The following UGT3A2 variants were observed in gnomAD, a reference collection of about 807,000 sequenced individuals.
UGT3A2 encodes UDP-glycosyltransferase 3A2.
In UGT3A2, 32 loss-of-function variants were observed where a neutral mutation model predicts 39.8. The ratio of observed to expected loss-of-function variants is 0.80; its 90% confidence interval spans 0.61 to 1.08. The LOEUF is 1.08. UGT3A2 is among the 50% of genes least tolerant of loss of function. UGT3A2 has a pLI of 0.00. For missense variants in UGT3A2, 611 were observed against 637.1 expected (o/e 0.96, Z 0.44); for synonymous variants, 241 against 230.7 (o/e 1.04, Z -0.40).
intron 2 of UGT3A2, among the ~76,000 whole-genome samples, chr5:36,059,125 T>C (rs985886811): frequency 2.0e-5 from 3 of 152,000 alleles, no homozygotes; most frequent in African/African-American, 7.3e-5. Flanking sequence ...CAGGCACTGA[T>C]AGGGACACAT....
rs190875571 is a variant in UGT3A2 at position 36,059,583 on chromosome 5, G to A, written c.196+4666C>T. Among the ~76,000 whole-genome samples the A allele has an allele frequency of 6.6e-5, 10 of 152,160 alleles. 1 individual carries two copies. The East Asian group carries it at 1.9e-3, about 29-fold the overall frequency. ...TGCTGGCACCTGTGAGATGTGCAGA[G>A]GACTTGGGAGGTTTTCTCAGAGCTT... On this transcript the variant is annotated intron_variant, in intron 2 of 6. Coordinates refer to ENST00000282507, the MANE Select transcript of UGT3A2 (RefSeq NM_174914.4).
intron 4 of UGT3A2, among the ~76,000 whole-genome samples, chr5:36,047,572 T>C (rs1168596243): frequency 1.3e-5 from 2 of 152,298 alleles, no homozygotes; most frequent in Admixed American, 1.3e-4. Flanking sequence ...AGGACTTCTT[T>C]AAAACAGCCT....
At chr5:36,041,061 G>T (rs1176920457) in intron 4 of UGT3A2, among the ~76,000 whole-genome samples, 1 of 152,202 alleles carries the variant, frequency 6.6e-6, no homozygotes, top group Non-Finnish European at 1.5e-5. Flanking sequence ...AAGAGAACCT[G>T]CTGCCCTGAA....
intron 6 of UGT3A2, among the ~76,000 whole-genome samples, chr5:36,036,237 T>C (rs1213425323): frequency 6.6e-6 from 1 of 152,208 alleles, no homozygotes; most frequent in Non-Finnish European, 1.5e-5. Flanking sequence ...TGATGTGCCC[T>C]AGGAAAATTA....
intron 3 of UGT3A2, among the ~76,000 whole-genome samples, chr5:36,051,296 G>T (rs1448804057): frequency 6.6e-6 from 1 of 152,132 alleles, no homozygotes; most frequent in East Asian, 1.9e-4. Flanking sequence ...TTCCCATCGA[G>T]ATTAAGCAAA....
intron 2 of UGT3A2, among the ~76,000 whole-genome samples, chr5:36,062,166 C>A (rs1038262076): frequency 3.3e-5 from 5 of 150,602 alleles, no homozygotes; most frequent in Admixed American, 6.6e-5. Context: ...GAGTAGGTTG[C>A]GAAAATTTTC....
At position 36,039,478 on chromosome 5, in the gene UGT3A2, C is replaced by T. The variant is rs1310761059; in HGVS notation, c.1074G>A (p.Leu358=). The T allele has an allele frequency of 1.1e-5, 17 of 1,613,788 alleles. No homozygotes were observed. The highest frequency in any genetic ancestry group is 1.4e-5 in the Non-Finnish European group (17 of 1,180,012). ...GGAGCAGTCCTGGGCAGCCCTTACC[C>T]AGGAGGTCACTCTGAGGAAGCCAGT... The part of the protein sequence containing the change: ...IVDWLPQSDL[L]AHPSIRLFVT... Residue 358 remains leucine (L), a splice_region_variant and synonymous_variant, in exon 5 of 7, where the codon CTG becomes CTA. Coordinates refer to ENST00000282507, the MANE Select transcript of UGT3A2 (RefSeq NM_174914.4).
chr5:36,059,375 T>TTC (rs1205674914), intron 2 of UGT3A2, among the ~76,000 whole-genome samples: 1 of 151,378 alleles, frequency 6.6e-6, no homozygotes, highest in African/African-American at 2.4e-5. Context: ...TTTTTTTTTT[T>TTC]TTTTTGGAGT....
In UGT3A2 at chr5:36,039,539, T is replaced by C. The variant is rs766710534; in HGVS notation, c.1013A>G (p.Lys338Arg). The C allele has an allele frequency of 4.3e-6, 7 of 1,614,176 alleles. No individual in the cohort carries two copies. Among genetic ancestry groups the C allele is most frequent in the African/African-American group, 1.3e-5 (1 of 75,040 alleles). The change falls in exon 5 of 7, where the codon AAA (lysine) becomes AGA (arginine). Residue 338 changes from lysine to arginine, a missense_variant. By Grantham distance (26) the Lys-to-Arg change is conservative. Transcript: ENST00000282507. ...IWKCQCSHWP[K>R]DVHLAANVKI... ...CACATTTGCAGCCAGGTGGACATCT[T>C]TGGGCCAATGAGAACACTGACACTT...
At chr5:36,051,385 T>C (rs1365068801) in intron 3 of UGT3A2, among the ~76,000 whole-genome samples, 2 of 152,198 alleles carry the variant, frequency 1.3e-5, no homozygotes, top group African/African-American at 2.4e-5. Flanking sequence ...GTTCAACTTC[T>C]ACAAACCCAA....
Position 36,035,638 on chromosome 5 carries a change from A to C in UGT3A2, c.*60T>G. ...AATGGGGCTGCCAGAACTAGTGGGAAGCTCCCTAGAAATGGTGACATCGCC... is the reference window on the plus strand; with the variant it reads ...AATGGGGCTGCCAGAACTAGTGGGACGCTCCCTAGAAATGGTGACATCGCC... On this transcript the variant is annotated 3_prime_UTR_variant, in exon 7 of 7. Coordinates refer to ENST00000282507, the MANE Select transcript of UGT3A2 (RefSeq NM_174914.4). The C allele has an allele frequency of 1.3e-6, 2 of 1,571,286 alleles. No individual in the cohort carries two copies. The highest frequency in any genetic ancestry group is 1.7e-6 in the Non-Finnish European group (2 of 1,155,782).
At position 36,035,499 on chromosome 5, in the gene UGT3A2, G is replaced by T; in HGVS notation, c.*199C>A. ...AAGAGGACTGGAAAGAATTCTGCTA[G>T]CAGGCAGGAGCTAGTAAGGATGAAT... On this transcript the variant is annotated 3_prime_UTR_variant, in exon 7 of 7. Transcript: ENST00000282507. 6.9e-6 allele frequency: 5 copies of T among 725,470 alleles called. No homozygotes were observed. The highest frequency in any genetic ancestry group is 1.1e-5 in the Non-Finnish European group (5 of 452,068). 44.9% of individuals were successfully genotyped at this position (725,470 alleles called of 1,614,324 possible).
intron 6 of UGT3A2, among the ~76,000 whole-genome samples, chr5:36,036,954 C>A (rs570881808): frequency 1.3e-5 from 2 of 152,356 alleles, no homozygotes; most frequent in South Asian, 4.1e-4. Flanking sequence ...TGGGCCCCTT[C>A]TATTGCTTCA....
chr5:36,058,737 T>TATATA (rs1270664194), intron 2 of UGT3A2, among the ~76,000 whole-genome samples: 4 of 151,852 alleles, frequency 2.6e-5, no homozygotes, highest in African/African-American at 9.7e-5. Context: ...CCTGGCCCCC[T>TATATA]TCTTTATAAC....
chr5:36,049,869 G>A (rs1031202099), intron 3 of UGT3A2, among the ~76,000 whole-genome samples: 1 of 151,990 alleles, frequency 6.6e-6, no homozygotes, highest in Non-Finnish European at 1.5e-5. Flanking sequence ...TATGTGCTAC[G>A]TTTTAGCACT....
At position 36,064,350 on chromosome 5, in the gene UGT3A2, C is replaced by A. The variant is rs771130869; in HGVS notation, c.95G>T (p.Gly32Val). ...GTCCATCAGTAGATAATGGCTTCCACCTAGGAACAATGCACAACTTCAGTT... is the reference window on the plus strand; with the variant it reads ...GTCCATCAGTAGATAATGGCTTCCAACTAGGAACAATGCACAACTTCAGTT... ...AAKILTISTVGGSHYLLMDRV... is the reference protein window; with the variant it reads ...AAKILTISTVVGSHYLLMDRV... The change falls in exon 2 of 7, where the codon GGT (glycine) becomes GTT (valine). Residue 32 changes from glycine to valine, a missense_variant and splice_region_variant. Transcript: ENST00000282507. 1 of 1,613,508 alleles carries A rather than the reference C, an allele frequency of 6.2e-7. No homozygotes were observed. Among genetic ancestry groups the A allele is most frequent in the Non-Finnish European group, 8.5e-7 (1 of 1,179,536 alleles).
At chr5:36,036,583 G>A (rs1467640362) in intron 6 of UGT3A2, among the ~76,000 whole-genome samples, 1 of 152,164 alleles carries the variant, frequency 6.6e-6, no homozygotes, top group Non-Finnish European at 1.5e-5. Context: ...AGCTCAGAAT[G>A]GTCATTTTGG....
chr5:36,064,843 T>G (rs952725170), intron 1 of UGT3A2, among the ~76,000 whole-genome samples: 2 of 152,128 alleles, frequency 1.3e-5, no homozygotes, highest in African/African-American at 4.8e-5. Context: ...AAGAGATTGG[T>G]CCAAGAAATC....
At chr5:36,066,061 C>T (rs950310400) in intron 1 of UGT3A2, among the ~76,000 whole-genome samples, 1 of 152,140 alleles carries the variant, frequency 6.6e-6, no homozygotes, top group Non-Finnish European at 1.5e-5. Flanking sequence ...AAATAACGGT[C>T]AGCGGCACAG....
Sources: gnomAD v4.1 joint callset for allele counts (sites outside exome capture counted in the v4.1 genomes callset) on GRCh38, gnomAD v4.1.1 for gene constraint, MANE v1.5 for transcripts, NCBI Gene and HGNC (gene_info 2026-07-23, HGNC 2026-07-21) for gene names.